TTC17: variants seen among roughly 807,000 people sequenced by gnomAD.
TTC17 encodes the protein tetratricopeptide repeat protein 17.
TTC17 carries 58 observed loss-of-function variants against 143.8 expected under a neutral mutation model. That is an observed-to-expected ratio of 0.40 (90% CI 0.33 to 0.50). The LOEUF is 0.50. Ranked by LOEUF, TTC17 falls within the 20% of genes least tolerant of loss-of-function variation. TTC17 has a pLI of 0.49. For missense variants in TTC17, 1,273 were observed against 1,392.5 expected, an observed-to-expected ratio of 0.91 and a Z score of 1.37; for synonymous variants, 501 against 497.8, an observed-to-expected ratio of 1.01 and a Z score of -0.09.
intron 16 of TTC17, among the ~76,000 whole-genome samples, chr11:43,426,643 A>T (rs146542520): frequency 6.6e-6 from 1 of 152,330 alleles, no homozygotes; most frequent in Admixed American, 6.5e-5. Context: ...AATGCAAAGG[A>T]CATTTCCTAG....
chr11:43,431,447 T>A (rs1206514660), intron 16 of TTC17, among the ~76,000 whole-genome samples: 2 of 152,244 alleles, frequency 1.3e-5, no homozygotes. Context: ...GTTTCCTGAC[T>A]TTTTAATGAT....
intron 16 of TTC17, among the ~76,000 whole-genome samples, chr11:43,415,209 A>G (rs759381425): frequency 2.6e-5 from 4 of 152,068 alleles, no homozygotes; most frequent in African/African-American, 4.8e-5. Context: ...GGTGATTCAG[A>G]CCTTTACTCT....
chr11:43,470,693 G>A (rs889906103), intron 21 of TTC17, among the ~76,000 whole-genome samples: 24 of 152,198 alleles, frequency 1.6e-4, no homozygotes, highest in African/African-American at 5.8e-4. Flanking sequence ...TAAAACTTTA[G>A]GGTAGATAGG....
intron 1 of TTC17, among the ~76,000 whole-genome samples, chr11:43,377,803 G>A (rs1315331557): frequency 6.6e-6 from 1 of 152,098 alleles, no homozygotes; most frequent in Admixed American, 6.5e-5. Context: ...GCTTTAAATA[G>A]TTCTTTCAAT....
chr11:43,381,626 A>G (rs765010541), intron 2 of TTC17, among the ~76,000 whole-genome samples: 6 of 152,342 alleles, frequency 3.9e-5, no homozygotes, highest in Middle Eastern at 6.8e-3. Context: ...ATAGTTCAAT[A>G]ATTACATCTT....
intron 18 of TTC17, among the ~76,000 whole-genome samples, chr11:43,447,347 G>A (rs1444609155): frequency 1.3e-5 from 2 of 152,170 alleles, no homozygotes; most frequent in African/African-American, 4.8e-5. Flanking sequence ...GCTGGTTCTT[G>A]GACTGTGGTG....
chr11:43,412,893 A>G (rs184942565), intron 15 of TTC17, among the ~76,000 whole-genome samples: 123 of 152,018 alleles, frequency 8.1e-4, no homozygotes, highest in Admixed American at 1.4e-3. Flanking sequence ...ATTCAATTCA[A>G]TCTCAGTCAA....
intron 1 of TTC17, among the ~76,000 whole-genome samples, chr11:43,373,078 G>T (rs966062609): frequency 1.3e-5 from 2 of 152,096 alleles, no homozygotes; most frequent in African/African-American, 2.4e-5. Context: ...TCTAACAGCA[G>T]ATATCTCTGA....
intron 1 of TTC17, among the ~76,000 whole-genome samples, chr11:43,377,806 C>A (rs1454319025): frequency 6.6e-6 from 1 of 152,152 alleles, no homozygotes; most frequent in Non-Finnish European, 1.5e-5. Flanking sequence ...TTAAATAGTT[C>A]TTTCAATCTT....
intron 16 of TTC17, among the ~76,000 whole-genome samples, chr11:43,424,880 A>G (rs1946989564): frequency 1.3e-5 from 2 of 152,338 alleles, no homozygotes; most frequent in Admixed American, 6.5e-5. Context: ...CCTGTAAGCA[A>G]GAGGGGGTCT....
At chr11:43,473,050 C>T (rs1307015414) in intron 21 of TTC17, among the ~76,000 whole-genome samples, 1 of 151,584 alleles carries the variant, frequency 6.6e-6, no homozygotes, top group African/African-American at 2.4e-5. Context: ...TGGTGCGTGC[C>T]TGTAATCCCA....
chr11:43,394,168 G>A (rs1857494105), intron 5 of TTC17, among the ~76,000 whole-genome samples: 1 of 152,162 alleles, frequency 6.6e-6, no homozygotes, highest in African/African-American at 2.4e-5. Context: ...GTGGCATGCA[G>A]CCAAATTCAG....
intron 22 of TTC17, chr11:43,491,198 G>C (rs1948469576): frequency 6.6e-6 from 1 of 152,180 alleles, no homozygotes. Flanking sequence ...GCATTCTATG[G>C]CTGTCACAAA....
intron 15 of TTC17, among the ~76,000 whole-genome samples, chr11:43,409,927 C>G (rs750986054): frequency 6.6e-6 from 1 of 151,428 alleles, no homozygotes; most frequent in Non-Finnish European, 1.5e-5. Flanking sequence ...CTGCAAGCTT[C>G]GCCACCCAGG....
chr11:43,405,437 A>G (rs1288244594), intron 11 of TTC17, 77 bp from the exon 12 acceptor site: 3 of 1,054,720 alleles, frequency 2.8e-6, no homozygotes, highest in African/African-American at 3.2e-5. Context: ...ATTGTAGTAT[A>G]TCATTTTAAA....
intron 21 of TTC17, among the ~76,000 whole-genome samples, chr11:43,460,707 T>C (rs547771810): frequency 4.1e-4 from 63 of 152,368 alleles, no homozygotes; most frequent in African/African-American, 1.5e-3. Context: ...TTTATGCAAC[T>C]GCAGACATGT....
intron 8 of TTC17, among the ~76,000 whole-genome samples, chr11:43,399,072 T>C (rs1283125593): frequency 1.3e-5 from 2 of 152,226 alleles, no homozygotes; most frequent in Non-Finnish European, 2.9e-5. Context: ...GCTGATTTAC[T>C]GAAATCAGGT....
intron 21 of TTC17, among the ~76,000 whole-genome samples, chr11:43,465,128 G>A (rs146248926): frequency 2.7e-4 from 41 of 152,310 alleles, no homozygotes; most frequent in African/African-American, 9.9e-4. Flanking sequence ...TCTAGGAATG[G>A]CAAGACCAGC....
Position 43,404,089 on chromosome 11 carries a change from C to G in TTC17, c.1424C>G (p.Ser475Cys), listed in dbSNP as rs770483596. Residue 475 changes from serine (S) to cysteine (C), a missense_variant, in exon 11 of 24, where the codon TCT (serine) becomes TGT (cysteine). Coordinates refer to ENST00000039989, the MANE Select transcript of TTC17 (RefSeq NM_018259.6). ...GATATCAATGATTCGGTCAAGTCTT[C>G]TCCCGTAGCCCATTCTATTCTCTGG... is the stretch of plus-strand genomic sequence containing the variant. Reference protein sequence around the residue: ...QSDINDSVKSSPVAHSILWIW... With the variant: ...QSDINDSVKSCPVAHSILWIW... 6.2e-7 allele frequency: 1 copy of G among 1,613,388 alleles called. No individual in the cohort carries two copies. Among genetic ancestry groups the G allele is most frequent in the South Asian group, 1.1e-5 (1 of 90,998 alleles).
Sources: gnomAD v4.1 joint callset for allele counts (sites outside exome capture counted in the v4.1 genomes callset) on GRCh38, gnomAD v4.1.1 for gene constraint, MANE v1.5 for transcripts, NCBI Gene and HGNC (gene_info 2026-07-23, HGNC 2026-07-21) for gene names.